SIRT5: variants seen among roughly 807,000 people sequenced by gnomAD.
The protein encoded by SIRT5 is sirtuin 5, also known as NAD-dependent protein deacylase sirtuin-5, mitochondrial.
SIRT5 carries 26 observed loss-of-function variants against 40.0 expected under a neutral mutation model. The observed-to-expected ratio is 0.65, with a 90% CI of 0.48 to 0.90. The LOEUF (loss-of-function observed/expected upper bound fraction) is 0.90. Ranked by LOEUF, SIRT5 falls within the 40% of genes least tolerant of loss-of-function variation. The pLI is 0.00. For missense variants in SIRT5, 401 were observed against 402.4 expected, an observed-to-expected ratio of 1.00 and a Z score of 0.03; for synonymous variants, 146 against 149.1, an observed-to-expected ratio of 0.98 and a Z score of 0.15.
chr6:13,597,729 A>G (rs1176467020), intron 7 of SIRT5, among the ~76,000 whole-genome samples: 3 of 151,990 alleles, frequency 2.0e-5, no homozygotes, highest in South Asian at 4.2e-4. Context: ...TGTTTTTAGC[A>G]GGGATGAGGT....
chr6:13,599,938 CAT>C (rs903994755), intron 8 of SIRT5, among the ~76,000 whole-genome samples: 16 of 152,308 alleles, frequency 1.1e-4, no homozygotes, highest in African/African-American at 3.4e-4. Context: ...TAGCATGTTC[CAT>C]ATCAATATGT....
intron 3 of SIRT5, among the ~76,000 whole-genome samples, chr6:13,586,946 G>T (rs1000282651): frequency 1.3e-5 from 2 of 152,078 alleles, no homozygotes; most frequent in Admixed American, 6.5e-5. Context: ...TTTCTTCCTT[G>T]CCTGCTTCCT....
At chr6:13,592,332 G>C (rs562315648) in intron 5 of SIRT5, among the ~76,000 whole-genome samples, 1 of 152,182 alleles carries the variant, frequency 6.6e-6, no homozygotes, top group Non-Finnish European at 1.5e-5. Context: ...GGAGGGGCAC[G>C]GTACTGTGAG....
chr6:13,603,276 CAAAAA>C (rs36093293), intron 9 of SIRT5, among the ~76,000 whole-genome samples: 2 of 49,290 alleles, frequency 4.1e-5, no homozygotes, highest in African/African-American at 6.8e-5. Flanking sequence ...GACTCCGTCT[CAAAAA>C]AAAAAAAAAA....
intron 9 of SIRT5, 146 bp downstream of exon 9, chr6:13,601,095 G>A: frequency 3.3e-6 from 2 of 597,166 alleles, no homozygotes; most frequent in Non-Finnish European, 5.8e-6. Context: ...TTTTATGGAA[G>A]AACAAAATCA....
Position 13,581,855 on chromosome 6 carries a change from T to C in SIRT5, c.-35-2221T>C, listed in dbSNP as rs192200464. Among the ~76,000 whole-genome samples, 301 of 152,244 alleles carry C rather than the reference T, an allele frequency of 2.0e-3. 3 individuals are homozygous for C. The highest frequency in any genetic ancestry group is 3.5e-3 in the Non-Finnish European group (240 of 68,006). ...CTGAACTGGGACCGAAACAGGAACA[T>C]TGTTGAAGCCACAAAGATGACCAAA... On this transcript the variant is annotated intron_variant, in intron 2 of 9. Coordinates refer to ENST00000606117, the MANE Select transcript of SIRT5 (RefSeq NM_012241.5).
intron 7 of SIRT5, among the ~76,000 whole-genome samples, chr6:13,597,512 G>C (rs1414663467): frequency 6.7e-6 from 1 of 148,840 alleles, no homozygotes. Context: ...TCTATAACCT[G>C]TAATTGGATT....
Position 13,603,105 on chromosome 6 carries a change from G to A in SIRT5, c.857+2156G>A, listed in dbSNP as rs11963517. On this transcript the variant is annotated intron_variant, in intron 9 of 9. Coordinates refer to ENST00000606117, the MANE Select transcript of SIRT5 (RefSeq NM_012241.5). The stretch of plus-strand genomic sequence containing the variant: ...ATCCTGGTTAACACGGTGAAACCCC[G>A]TCTCTACTAAAAATACAAAAAATTA... 9.0e-3 allele frequency among the ~76,000 whole-genome samples: 1,371 copies of A among 151,932 alleles called. 11 individuals carry two copies. The highest frequency in any genetic ancestry group is 0.029 in the African/African-American group (1,208 of 41,424).
At position 13,607,423 on chromosome 6, in the gene SIRT5, G is replaced by T. The variant is rs1458579997; in HGVS notation, c.858-4367G>T. 6.6e-6 allele frequency among the ~76,000 whole-genome samples: 1 copy of T among 151,888 alleles called. No individual in the cohort carries two copies. The highest frequency in any genetic ancestry group is 1.5e-5 in the Non-Finnish European group (1 of 67,994). ...CTAATTTAACCAAATTATATTTAGT[G>T]ACTCAGTATGTCTTTCCCAAGCATT... is the stretch of plus-strand genomic sequence containing the variant. On this transcript the variant is annotated intron_variant, in intron 9 of 9. Coordinates refer to ENST00000606117, the MANE Select transcript of SIRT5 (RefSeq NM_012241.5). This position sits in a 1 kb window ranked among gnomAD's most constrained non-coding sequence, Gnocchi z 4.0.
intron 3 of SIRT5, among the ~76,000 whole-genome samples, chr6:13,585,750 A>G (rs929943908): frequency 3.3e-5 from 5 of 152,178 alleles, no homozygotes; most frequent in Non-Finnish European, 5.9e-5. Flanking sequence ...TCCTTTGGGT[A>G]TATACCCGGT....
intron 3 of SIRT5, among the ~76,000 whole-genome samples, chr6:13,584,551 A>G (rs1759804158): frequency 6.6e-6 from 1 of 152,028 alleles, no homozygotes; most frequent in Non-Finnish European, 1.5e-5. Context: ...GGGTTTCGCC[A>G]TGTTGGCCAG....
At position 13,613,001 on chromosome 6, in the gene SIRT5, G is replaced by A. The variant is rs1159896907; in HGVS notation, c.*1136G>A. 2 of 152,498 alleles carry A rather than the reference G, an allele frequency of 1.3e-5. No individual in the cohort carries two copies. The highest frequency in any genetic ancestry group is 4.8e-5 in the African/African-American group (2 of 41,458). 9.4% of individuals were successfully genotyped at this position (152,498 alleles called of 1,614,324 possible). Reference sequence around the variant, plus strand: ...TTGGGCCAGACCTCTGTTAACTTCAGTAGGGATGGCACCAGGTTCAAGAGG... The same window carrying A: ...TTGGGCCAGACCTCTGTTAACTTCAATAGGGATGGCACCAGGTTCAAGAGG... On this transcript the variant is annotated 3_prime_UTR_variant, in exon 10 of 10. Coordinates refer to ENST00000606117, the MANE Select transcript of SIRT5 (RefSeq NM_012241.5).
rs201231437 is a variant in SIRT5 at position 13,591,765 on chromosome 6, G to T, written c.346G>T (p.Ala116Ser). 8.1e-6 allele frequency: 13 copies of T among 1,613,620 alleles called. No individual in the cohort carries two copies. The highest frequency in any genetic ancestry group is 1.0e-5 in the Non-Finnish European group (12 of 1,179,786). ...GGTCATGGGGAGCAAGGAGCCCAAC[G>T]CCGGGCACCGCGCCATAGCCGAGTG... Reference protein sequence around the residue: ...REVMGSKEPNAGHRAIAECET... With the variant: ...REVMGSKEPNSGHRAIAECET... Residue 116 changes from alanine (A) to serine (S), a missense_variant, in exon 5 of 10, where the codon GCC becomes TCC. By Grantham distance (99) the Ala-to-Ser change is moderately conservative (BLOSUM62 1). Transcript: ENST00000606117.
Position 13,578,905 on chromosome 6 carries a change from T to C in SIRT5, c.-194-546T>C, listed in dbSNP as rs571772648. 2.6e-5 allele frequency among the ~76,000 whole-genome samples: 4 copies of C among 152,290 alleles called. No homozygotes were observed. The South Asian group carries it at 8.3e-4, about 32-fold the overall frequency. ...GGATTAATGTCAATTTATAAGAACC[T>C]GCCTAGCACCCAAAAAGCTCCCAAT... On this transcript the variant is annotated intron_variant, in intron 1 of 9. Transcript: ENST00000606117.
chr6:13,586,057 G>A (rs1477352303), intron 3 of SIRT5, among the ~76,000 whole-genome samples: 1 of 152,202 alleles, frequency 6.6e-6, no homozygotes, highest in Non-Finnish European at 1.5e-5. Context: ...AGAAGTGTCT[G>A]TTCATGTCCT....
intron 9 of SIRT5, among the ~76,000 whole-genome samples, chr6:13,610,443 T>C (rs1763682794): frequency 8.6e-6 from 1 of 116,508 alleles, no homozygotes; most frequent in South Asian, 2.7e-4. Flanking sequence ...CCTACTTACA[T>C]ATGAAGGTGT....
chr6:13,576,641 T>C (rs1387851314), intron 1 of SIRT5, among the ~76,000 whole-genome samples: 2 of 152,214 alleles, frequency 1.3e-5, no homozygotes, highest in African/African-American at 4.8e-5. Flanking sequence ...TTTTCTTTGC[T>C]GTGCAGAGGC....
chr6:13,601,673 C>T (rs1562277803), intron 9 of SIRT5, among the ~76,000 whole-genome samples: 1 of 151,966 alleles, frequency 6.6e-6, no homozygotes, highest in African/African-American at 2.4e-5. Context: ...AGTTTCCAAC[C>T]TTGGCTGCAT....
intron 6 of SIRT5, 101 bp from the exon 7 acceptor site, chr6:13,596,862 T>G: frequency 1.1e-6 from 1 of 911,646 alleles, no homozygotes; most frequent in Non-Finnish European, 1.7e-6. Flanking sequence ...AGGAGTTTTA[T>G]ACCACATACT....
Sources: gnomAD v4.1 joint callset for allele counts (sites outside exome capture counted in the v4.1 genomes callset) on GRCh38, gnomAD v4.1.1 for gene constraint, Gnocchi (gnomAD v3.1) non-coding constraint, MANE v1.5 for transcripts, NCBI Gene and HGNC (gene_info 2026-07-23, HGNC 2026-07-21) for gene names.